Variants in RSPO2 observed in about 807,000 individuals in gnomAD.
The protein encoded by RSPO2 is R-spondin-2.
Under a neutral mutation model 30.9 loss-of-function variants are expected in RSPO2, and 14 were observed. That is an observed-to-expected ratio of 0.45 (90% CI 0.30 to 0.71). The LOEUF (loss-of-function observed/expected upper bound fraction) is 0.71. RSPO2 is among the 30% of genes least tolerant of loss of function. The pLI is 0.08. For synonymous variants in RSPO2, 107 were observed against 96.4 expected, an observed-to-expected ratio of 1.11 and a Z score of -0.64; for missense variants, 264 against 301.9, an observed-to-expected ratio of 0.87 and a Z score of 0.93.
At chr8:108,069,256 C>T (rs57143459) in intron 2 of RSPO2, among the ~76,000 whole-genome samples, 4,651 of 152,224 alleles carry the variant, frequency 0.031, 213 homozygotes, top group African/African-American at 0.098. Flanking sequence ...CTCTGTTGCC[C>T]AGGCTGGAGT....
intron 3 of RSPO2, among the ~76,000 whole-genome samples, 180 bp downstream of exon 3, chr8:107,988,876 C>A (rs1477181795): frequency 6.6e-6 from 1 of 152,188 alleles, no homozygotes; most frequent in Non-Finnish European, 1.5e-5. Flanking sequence ...GATCCACCTA[C>A]CTTGGCCTCC....
chr8:108,057,046 A>T (rs752750848), intron 2 of RSPO2, among the ~76,000 whole-genome samples: 2 of 117,130 alleles, frequency 1.7e-5, no homozygotes, highest in Non-Finnish European at 3.4e-5. Context: ...ACAGAGTGAG[A>T]CTCTGTCTCA....
At chr8:107,967,673 G>T (rs558099273) in intron 3 of RSPO2, among the ~76,000 whole-genome samples, 25 of 152,238 alleles carry the variant, frequency 1.6e-4, no homozygotes, top group African/African-American at 5.3e-4. Flanking sequence ...CCAGTAGAAT[G>T]AGTTTAAATC....
intron 5 of RSPO2, among the ~76,000 whole-genome samples, chr8:107,919,020 G>T (rs1464633850): frequency 1.3e-5 from 2 of 151,892 alleles, no homozygotes; most frequent in African/African-American, 4.8e-5. Context: ...TACCCTAGTC[G>T]GTATTAAAAC....
chr8:108,058,879 T>G, intron 2 of RSPO2, among the ~76,000 whole-genome samples: 1 of 151,612 alleles, frequency 6.6e-6, no homozygotes, highest in South Asian at 2.1e-4. Flanking sequence ...ACATTAGACC[T>G]AAAACCATAA....
At chr8:108,001,767 C>T (rs891648132) in intron 2 of RSPO2, among the ~76,000 whole-genome samples, 4 of 151,950 alleles carry the variant, frequency 2.6e-5, no homozygotes, top group Non-Finnish European at 5.9e-5. Flanking sequence ...AAAAATTGTA[C>T]TCCATAAATT....
chr8:108,026,604 T>C (rs1489822079), intron 2 of RSPO2, among the ~76,000 whole-genome samples: 1 of 152,142 alleles, frequency 6.6e-6, no homozygotes, highest in Non-Finnish European at 1.5e-5. Flanking sequence ...CGGTGGCTCA[T>C]GCTTTTAATC....
At chr8:107,964,921 G>A (rs912898769) in intron 3 of RSPO2, among the ~76,000 whole-genome samples, 1 of 152,058 alleles carries the variant, frequency 6.6e-6, no homozygotes, top group East Asian at 1.9e-4. Context: ...TTTCTCACCT[G>A]AATGGCACAT....
chr8:107,915,932 T>C (rs1811968674), intron 5 of RSPO2, among the ~76,000 whole-genome samples: 1 of 152,126 alleles, frequency 6.6e-6, no homozygotes, highest in Non-Finnish European at 1.5e-5. Context: ...TACAGCTGTG[T>C]CTACTTATTA....
intron 3 of RSPO2, among the ~76,000 whole-genome samples, chr8:107,967,768 C>T (rs943716709): frequency 6.6e-6 from 1 of 152,036 alleles, no homozygotes; most frequent in African/African-American, 2.4e-5. Flanking sequence ...AGAATAAGAG[C>T]AAGGGGCAGG....
chr8:108,024,607 G>A (rs1811147973), intron 2 of RSPO2, among the ~76,000 whole-genome samples: 1 of 152,164 alleles, frequency 6.6e-6, no homozygotes, highest in Non-Finnish European at 1.5e-5. Flanking sequence ...GAAACAGAGT[G>A]ACAGGCAAAT....
chr8:107,927,524 G>T (rs1283661972), intron 5 of RSPO2, among the ~76,000 whole-genome samples: 1 of 152,076 alleles, frequency 6.6e-6, no homozygotes, highest in Admixed American at 6.6e-5. Context: ...TATGATATTG[G>T]CTGTGGGTTT....
rs193209652 is a variant in RSPO2 at position 108,004,334 on chromosome 8, C to T, written c.95-15090G>A. On this transcript the variant is annotated intron_variant, in intron 2 of 5. Transcript: ENST00000276659. ...AAGTTCAAAGAAAACAAAAATCACCCCCAAACCATGCAATTTCCTGCAAAT... is the reference window on the plus strand; with the variant it reads ...AAGTTCAAAGAAAACAAAAATCACCTCCAAACCATGCAATTTCCTGCAAAT... Among the ~76,000 whole-genome samples the T allele has an allele frequency of 4.3e-4, 65 of 152,254 alleles. 1 individual carries two copies. The East Asian group carries it at 0.011, about 27-fold the overall frequency.
intron 5 of RSPO2, among the ~76,000 whole-genome samples, chr8:107,921,237 A>T (rs935632025): frequency 3.3e-5 from 5 of 151,656 alleles, no homozygotes; most frequent in African/African-American, 4.8e-5. Flanking sequence ...GTTTTGAAAA[A>T]TTTCTAAGAC....
chr8:107,984,928 T>C (rs1009879820), intron 3 of RSPO2, among the ~76,000 whole-genome samples: 8 of 152,288 alleles, frequency 5.3e-5, no homozygotes, highest in Admixed American at 3.9e-4. Flanking sequence ...GTATCTACTT[T>C]GTAATAGTTC....
chr8:108,010,881 GAGAA>G (rs1810682879), intron 2 of RSPO2, among the ~76,000 whole-genome samples: 2 of 152,260 alleles, frequency 1.3e-5, no homozygotes, highest in South Asian at 4.1e-4. Flanking sequence ...CCATGACTAA[GAGAA>G]AGAAAGACCA....
chr8:108,054,327 C>A (rs1484606159), intron 2 of RSPO2, among the ~76,000 whole-genome samples: 1 of 152,140 alleles, frequency 6.6e-6, no homozygotes, highest in Non-Finnish European at 1.5e-5. Context: ...CATTTAGGTA[C>A]CCAAGCTCTT....
At chr8:107,956,951 A>T (rs1052612543) in intron 5 of RSPO2, among the ~76,000 whole-genome samples, 1 of 152,226 alleles carries the variant, frequency 6.6e-6, no homozygotes, top group African/African-American at 2.4e-5. Flanking sequence ...ACCTAAAAAA[A>T]CTTTGTTTCA....
intron 2 of RSPO2, among the ~76,000 whole-genome samples, chr8:107,992,364 T>C (rs894877904): frequency 6.6e-6 from 1 of 152,068 alleles, no homozygotes; most frequent in Admixed American, 6.6e-5. Context: ...TGAGAACACA[T>C]GGACACATAG....
Sources: allele counts gnomAD v4.1 joint callset (sites outside exome capture counted in the v4.1 genomes callset), GRCh38; gene constraint gnomAD v4.1.1; transcripts MANE v1.5; gene names NCBI Gene and HGNC (gene_info 2026-07-23, HGNC 2026-07-21).